The following LRRC7 variants were observed in gnomAD, a reference collection of about 807,000 sequenced individuals.
The protein encoded by LRRC7 is leucine rich repeat containing 7.
In LRRC7, 23 loss-of-function variants were observed where a neutral mutation model predicts 175.7. The observed-to-expected ratio is 0.13, with a 90% CI of 0.09 to 0.19. The LOEUF is 0.19. Among genes scored for constraint, LRRC7 ranks in the 10% least tolerant of loss-of-function variants. LRRC7 has a pLI of 1.00. For missense variants in LRRC7, 1,354 were observed against 1,904.7 expected (o/e 0.71, Z 5.38); for synonymous variants, 685 against 680.9 (o/e 1.01, Z -0.09).
intron 4 of LRRC7, among the ~76,000 whole-genome samples, chr1:69,815,542 G>A (rs761272116): frequency 6.6e-5 from 10 of 152,158 alleles, no homozygotes. Flanking sequence ...GTGCAGCACA[G>A]CTTGATCCCC....
chr1:69,577,198 T>A lies in LRRC7; in HGVS notation c.2+8557T>A, dbSNP rs141313849. Among the ~76,000 whole-genome samples the A allele has an allele frequency of 7.1e-4, 108 of 152,288 alleles. 3 individuals carry two copies. In the East Asian group the frequency reaches 0.019, roughly 26 times the overall value. On this transcript the variant is annotated intron_variant, in intron 1 of 26. Coordinates refer to ENST00000651989, the MANE Select transcript of LRRC7 (RefSeq NM_001370785.2). ...AAGAAACTACTAGAACTGTTATGCA[T>A]GTTTAAGTTCCATATAAAAATCATA...
At chr1:69,717,757 TGAAAAAAA>T (rs1234460907) in intron 2 of LRRC7, among the ~76,000 whole-genome samples, 9 of 63,514 alleles carry the variant, frequency 1.4e-4, no homozygotes, top group Admixed American at 2.0e-4. Flanking sequence ...TATTGGAACA[TGAAAAAAA>T]GAAAAAAAGA....
intron 7 of LRRC7, among the ~76,000 whole-genome samples, chr1:69,869,798 AT>A (rs1282337526): frequency 6.6e-6 from 1 of 152,172 alleles, no homozygotes; most frequent in Non-Finnish European, 1.5e-5. Flanking sequence ...AGATTGATAA[AT>A]GTTAGCTGGA....
chr1:69,962,647 T>TA (rs1185562407), intron 8 of LRRC7, among the ~76,000 whole-genome samples: 11 of 152,092 alleles, frequency 7.2e-5, no homozygotes, highest in African/African-American at 2.7e-4. Flanking sequence ...TATGCAGCCA[T>TA]AAAAAAGAGC....
At chr1:70,043,126 A>G (rs893487070) in intron 21 of LRRC7, among the ~76,000 whole-genome samples, 1 of 152,184 alleles carries the variant, frequency 6.6e-6, no homozygotes, top group African/African-American at 2.4e-5. Context: ...AAAATTTTAC[A>G]TCTAATTTTC....
chr1:69,665,672 T>G (rs2100551095), intron 1 of LRRC7, among the ~76,000 whole-genome samples: 1 of 152,258 alleles, frequency 6.6e-6, no homozygotes, highest in South Asian at 2.1e-4. Context: ...ATGTTGATTT[T>G]GTATCCTACA....
intron 23 of LRRC7, among the ~76,000 whole-genome samples, chr1:70,066,896 T>A (rs969267907): frequency 6.6e-6 from 1 of 152,118 alleles, no homozygotes; most frequent in Non-Finnish European, 1.5e-5. Flanking sequence ...CTGCATTTGG[T>A]GTTGGCACTG....
chr1:69,859,578 G>A (rs902468408), intron 7 of LRRC7, among the ~76,000 whole-genome samples: 3 of 151,886 alleles, frequency 2.0e-5, no homozygotes, highest in Non-Finnish European at 4.4e-5. Flanking sequence ...TGCTCTGATG[G>A]CAATTAGCAA....
intron 7 of LRRC7, among the ~76,000 whole-genome samples, chr1:69,865,575 G>A (rs1253797670): frequency 7.1e-6 from 1 of 140,248 alleles, no homozygotes; most frequent in Non-Finnish European, 1.5e-5. Context: ...CTGCCTCCCG[G>A]GTTCACGCCA....
At chr1:70,064,639 T>TTGTTG (rs369837517) in intron 23 of LRRC7, among the ~76,000 whole-genome samples, 2 of 151,004 alleles carry the variant, frequency 1.3e-5, no homozygotes, top group African/African-American at 4.9e-5. Context: ...TGCTTGGTAT[T>TTGTTG]TTGTTGTTGT....
intron 1 of LRRC7, among the ~76,000 whole-genome samples, chr1:69,655,466 G>A (rs1656472966): frequency 6.6e-6 from 1 of 151,894 alleles, no homozygotes; most frequent in Non-Finnish European, 1.5e-5. Flanking sequence ...AGATGGGAAA[G>A]GCAAAGTGAA....
chr1:69,988,684 A>G (rs897986451), intron 10 of LRRC7, among the ~76,000 whole-genome samples: 1 of 152,206 alleles, frequency 6.6e-6, no homozygotes, highest in Non-Finnish European at 1.5e-5. Flanking sequence ...AGCTACAGAA[A>G]AGGGAAATAA....
intron 4 of LRRC7, among the ~76,000 whole-genome samples, chr1:69,823,786 C>T (rs891790501): frequency 2.0e-5 from 3 of 152,012 alleles, no homozygotes; most frequent in Non-Finnish European, 2.9e-5. Context: ...GCACTTTGTG[C>T]CAATTGCTTT....
chr1:69,929,135 T>C (rs1647188313), intron 7 of LRRC7, among the ~76,000 whole-genome samples: 1 of 152,198 alleles, frequency 6.6e-6, no homozygotes, highest in Non-Finnish European at 1.5e-5. Context: ...CTCACAATAG[T>C]ATTTTTTCTT....
intron 25 of LRRC7, among the ~76,000 whole-genome samples, chr1:70,098,109 C>A (rs1290110095): frequency 1.3e-5 from 2 of 152,058 alleles, no homozygotes; most frequent in Non-Finnish European, 2.9e-5. Flanking sequence ...TTCTCCACAT[C>A]CTCTCCAGCA....
intron 2 of LRRC7, among the ~76,000 whole-genome samples, chr1:69,733,851 A>G (rs1336513616): frequency 1.3e-5 from 2 of 152,038 alleles, no homozygotes; most frequent in Non-Finnish European, 2.9e-5. Flanking sequence ...CCATCTCAGA[A>G]ACCATGTCAT....
chr1:69,922,833 TAA>T (rs1382778472), intron 7 of LRRC7, among the ~76,000 whole-genome samples: 1 of 152,084 alleles, frequency 6.6e-6, no homozygotes, highest in African/African-American at 2.4e-5. Context: ...TATTATACTT[TAA>T]GTTTTAGGGT....
intron 1 of LRRC7, among the ~76,000 whole-genome samples, chr1:69,656,096 T>C (rs1656567058): frequency 6.6e-6 from 1 of 151,996 alleles, no homozygotes; most frequent in Non-Finnish European, 1.5e-5. Flanking sequence ...TTATTTAATT[T>C]AGATTTGATA....
chr1:69,864,523 A>G (rs536609257), intron 7 of LRRC7, among the ~76,000 whole-genome samples: 1 of 152,346 alleles, frequency 6.6e-6, no homozygotes, highest in South Asian at 2.1e-4. Context: ...GACAGTCAGC[A>G]CTCAGTAATT....
Sources: allele counts gnomAD v4.1 joint callset (sites outside exome capture counted in the v4.1 genomes callset), GRCh38; gene constraint gnomAD v4.1.1; transcripts MANE v1.5; gene names NCBI Gene and HGNC (gene_info 2026-07-23, HGNC 2026-07-21).